Variants in KHDRBS2 observed in about 807,000 individuals in gnomAD.
KHDRBS2 encodes KH domain-containing, RNA-binding, signal transduction-associated protein 2.
In KHDRBS2, 26 loss-of-function variants were observed where a neutral mutation model predicts 44.3. The observed-to-expected ratio is 0.59, with a 90% CI of 0.43 to 0.81. KHDRBS2 has a LOEUF of 0.81. KHDRBS2 is among the 40% of genes least tolerant of loss of function. The pLI, the probability that KHDRBS2 is intolerant of heterozygous loss-of-function variation, is 0.00. For synonymous variants in KHDRBS2, 194 were observed against 151.1 expected, an observed-to-expected ratio of 1.28 and a Z score of -2.08; for missense variants, 476 against 433.1, an observed-to-expected ratio of 1.10 and a Z score of -0.88.
At chr6:61,768,993 C>G (rs1449003045) in intron 6 of KHDRBS2, among the ~76,000 whole-genome samples, 1 of 151,966 alleles carries the variant, frequency 6.6e-6, no homozygotes, top group African/African-American at 2.4e-5. Context: ...AATTATATTG[C>G]CAGTCCTTTT....
chr6:61,550,340 A>T, the KHDRBS2 span, among the ~76,000 whole-genome samples: 2 of 152,114 alleles, frequency 1.3e-5, no homozygotes, highest in Admixed American at 1.3e-4. Flanking sequence ...ACTATCGTCC[A>T]GTTCTGTCTA....
chr6:62,059,221 T>TTTTTG (rs1282303227), intron 2 of KHDRBS2, among the ~76,000 whole-genome samples: 7 of 128,732 alleles, frequency 5.4e-5, no homozygotes, highest in Non-Finnish European at 9.7e-5. Context: ...TTTTTTTTTT[T>TTTTTG]TTTTTTTTTT....
intron 3 of KHDRBS2, among the ~76,000 whole-genome samples, chr6:62,038,746 A>G (rs1785839432): frequency 6.6e-6 from 1 of 152,082 alleles, no homozygotes; most frequent in Admixed American, 6.6e-5. Context: ...TTTAAAAAAC[A>G]TGGCTTATAT....
At chr6:62,034,546 T>A (rs868388299) in intron 3 of KHDRBS2, among the ~76,000 whole-genome samples, 1 of 151,782 alleles carries the variant, frequency 6.6e-6, no homozygotes, top group African/African-American at 2.4e-5. Flanking sequence ...ACAAAAACCA[T>A]ATAATCATTT....
In KHDRBS2 at chr6:61,837,585, G is replaced by A. The variant is rs866943978; in HGVS notation, c.810+57050C>T. Reference sequence around the variant, plus strand: ...AATGTCATAATTATGGGTCATAATGGGTGGAAATAGGTGATGAATGACCAC... The same window carrying A: ...AATGTCATAATTATGGGTCATAATGAGTGGAAATAGGTGATGAATGACCAC... On this transcript the variant is annotated intron_variant, in intron 6 of 8. Transcript: ENST00000281156. Among the ~76,000 whole-genome samples, 3 of 151,950 alleles carry A rather than the reference G, an allele frequency of 2.0e-5. No homozygotes were observed. In the South Asian group the frequency reaches 6.2e-4, roughly 32 times the overall value.
intron 6 of KHDRBS2, among the ~76,000 whole-genome samples, chr6:61,850,994 CACCTGGT>C (rs1190833655): frequency 2.0e-5 from 3 of 152,116 alleles, no homozygotes; most frequent in African/African-American, 7.2e-5. Context: ...ATGACTACCT[CACCTGGT>C]ACCCTTGCCT....
intron 4 of KHDRBS2, among the ~76,000 whole-genome samples, chr6:61,916,958 AC>A (rs1807116937): frequency 7.2e-6 from 1 of 139,754 alleles, no homozygotes; most frequent in African/African-American, 2.7e-5. Flanking sequence ...AGAAACAGGA[AC>A]TCTGTATTTT....
the KHDRBS2 span, among the ~76,000 whole-genome samples, chr6:61,658,638 A>G: frequency 6.6e-6 from 1 of 151,970 alleles, no homozygotes; most frequent in African/African-American, 2.4e-5. Context: ...TAGTCAATGC[A>G]GTAGGGTCCT....
At chr6:61,801,739 T>A (rs1045690171) in intron 6 of KHDRBS2, among the ~76,000 whole-genome samples, 16 of 152,178 alleles carry the variant, frequency 1.1e-4, no homozygotes, top group Non-Finnish European at 1.9e-4. Context: ...TTATGGTCTT[T>A]GTCCCATTTC....
chr6:61,955,022 A>T (rs1437376795), intron 4 of KHDRBS2, among the ~76,000 whole-genome samples: 4 of 143,638 alleles, frequency 2.8e-5, no homozygotes, highest in Non-Finnish European at 4.6e-5. Context: ...GTATACACAC[A>T]TACATATATA....
At chr6:61,607,520 C>CAAAAAAAAAAAAAAAAAAAA in the KHDRBS2 span, among the ~76,000 whole-genome samples, 4 of 41,110 alleles carry the variant, frequency 9.7e-5, 2 homozygotes, top group African/African-American at 1.8e-4. Flanking sequence ...GAGTTCCAAG[C>CAAAAAAAAAAAAAAAAAAAA]AAAAAAAAAA....
chr6:62,180,179 C>T (rs1821966522), intron 1 of KHDRBS2, among the ~76,000 whole-genome samples: 1 of 151,816 alleles, frequency 6.6e-6, no homozygotes, highest in East Asian at 1.9e-4. Flanking sequence ...ATTCAACGTA[C>T]TACTGGAAGA....
rs373869095 is a variant in KHDRBS2 at position 62,187,481 on chromosome 6, G to A, written c.92-10169C>T. 1.1e-4 allele frequency among the ~76,000 whole-genome samples: 17 copies of A among 152,104 alleles called. No individual in the cohort carries two copies. In the East Asian group the frequency reaches 1.2e-3, roughly 10 times the overall value. ...AGGGAGGTAGAAAGTAAATGAATAG[G>A]TAAATTATAATGTAATTCAGAAAGA... On this transcript the variant is annotated intron_variant, in intron 1 of 8. Transcript: ENST00000281156.
intron 7 of KHDRBS2, among the ~76,000 whole-genome samples, chr6:61,724,830 A>C (rs1441101408): frequency 6.6e-6 from 1 of 152,188 alleles, no homozygotes; most frequent in Admixed American, 6.6e-5. Context: ...GAGACCTACA[A>C]GGAGACTTAG....
intron 2 of KHDRBS2, among the ~76,000 whole-genome samples, chr6:62,097,161 C>T (rs1435995117): frequency 3.3e-5 from 5 of 151,332 alleles, no homozygotes; most frequent in East Asian, 1.9e-4. Context: ...TGACCTAACC[C>T]GGAGACTATT....
chr6:61,909,991 G>A (rs1331224135), intron 4 of KHDRBS2, among the ~76,000 whole-genome samples: 2 of 152,128 alleles, frequency 1.3e-5, no homozygotes, highest in Non-Finnish European at 1.5e-5. Context: ...AGAAATCATC[G>A]GAAATGATAC....
intron 2 of KHDRBS2, among the ~76,000 whole-genome samples, chr6:62,081,802 T>C (rs1372915393): frequency 2.0e-5 from 3 of 152,044 alleles, no homozygotes; most frequent in Non-Finnish European, 4.4e-5. Context: ...ATTGTTAAAA[T>C]TTTTTAGATG....
chr6:61,564,738 T>C, the KHDRBS2 span, among the ~76,000 whole-genome samples: 3 of 152,128 alleles, frequency 2.0e-5, no homozygotes, highest in African/African-American at 7.2e-5. Flanking sequence ...TATTGAATAG[T>C]GGCTCTCAGT....
intron 6 of KHDRBS2, among the ~76,000 whole-genome samples, chr6:61,795,842 G>A (rs1301307482): frequency 6.6e-6 from 1 of 151,956 alleles, no homozygotes; most frequent in Non-Finnish European, 1.5e-5. Context: ...CAGTACACTT[G>A]ATTACTTTTT....
Sources: gnomAD v4.1 joint callset for allele counts (sites outside exome capture counted in the v4.1 genomes callset) on GRCh38, gnomAD v4.1.1 for gene constraint, MANE v1.5 for transcripts, NCBI Gene and HGNC (gene_info 2026-07-23, HGNC 2026-07-21) for gene names.